DCC: variants seen among roughly 807,000 people sequenced by gnomAD.
DCC encodes netrin receptor DCC.
In DCC, 58 loss-of-function variants were observed where a neutral mutation model predicts 172.5. The ratio of observed to expected loss-of-function variants is 0.34; its 90% CI spans 0.27 to 0.42. The LOEUF (loss-of-function observed/expected upper bound fraction) is 0.42, where lower values mean the gene tolerates loss of function less well. DCC is among the 10% of genes least tolerant of loss of function. The pLI is 1.00. For missense variants in DCC, 1,740 were observed against 1,791.0 expected, an observed-to-expected ratio of 0.97 and a Z score of 0.51; for synonymous variants, 709 against 644.5, an observed-to-expected ratio of 1.10 and a Z score of -1.52.
intron 12 of DCC, among the ~76,000 whole-genome samples, chr18:53,223,248 T>C (rs1031242772): frequency 1.3e-5 from 2 of 152,178 alleles, no homozygotes; most frequent in African/African-American, 2.4e-5. Flanking sequence ...GTTTTGAGAA[T>C]GTTATATTTT....
At position 52,360,693 on chromosome 18, in the gene DCC, C is replaced by A. The variant is rs115782030; in HGVS notation, c.91+19815C>A. On this transcript the variant is annotated intron_variant, in intron 1 of 28. Coordinates refer to ENST00000442544, the MANE Select transcript of DCC (RefSeq NM_005215.4). ...CATGATTTAAAAAAATCAGAAACTA[C>A]TGTATGATTTTATGAAAAGAGCCAT... 6.2e-3 allele frequency among the ~76,000 whole-genome samples: 950 copies of A among 152,240 alleles called. 17 individuals carry two copies. Among genetic ancestry groups the A allele is most frequent in the African/African-American group, 0.021 (883 of 41,552 alleles).
At chr18:52,409,006 G>C (rs1986751749) in intron 1 of DCC, 1 of 151,970 alleles carries the variant, frequency 6.6e-6, no homozygotes, top group African/African-American at 2.4e-5. Flanking sequence ...GAATGTCTTG[G>C]GATATACCCC....
At chr18:52,503,704 G>A (rs1437046527) in intron 1 of DCC, among the ~76,000 whole-genome samples, 2 of 152,088 alleles carry the variant, frequency 1.3e-5, no homozygotes, top group African/African-American at 4.8e-5. Flanking sequence ...TAACTAGCCA[G>A]TCCATTCCTC....
intron 2 of DCC, among the ~76,000 whole-genome samples, chr18:52,828,706 T>C (rs1269966139): frequency 1.3e-5 from 2 of 152,192 alleles, no homozygotes; most frequent in African/African-American, 2.4e-5. Context: ...AATTATTTAA[T>C]GCAAATGTAG....
intron 9 of DCC, among the ~76,000 whole-genome samples, chr18:53,203,051 TAGATA>T (rs1462342974): frequency 6.6e-6 from 1 of 152,096 alleles, no homozygotes; most frequent in African/African-American, 2.4e-5. Flanking sequence ...AGATGAAGAT[TAGATA>T]AAAGTATTGT....
chr18:52,756,757 A>G (rs1423766655), intron 2 of DCC, among the ~76,000 whole-genome samples: 2 of 152,206 alleles, frequency 1.3e-5, no homozygotes, highest in Admixed American at 1.3e-4. Context: ...TCTGTTCAGC[A>G]GACATAATAA....
At chr18:52,715,200 G>A (rs7242794) in intron 1 of DCC, among the ~76,000 whole-genome samples, 145,771 of 151,602 alleles carry the variant, frequency 0.96, 70,341 homozygotes, top group East Asian at 1. Flanking sequence ...CTCAGAAAAC[G>A]TTTTTATCAT....
At chr18:52,496,875 A>T (rs1048966026) in intron 1 of DCC, among the ~76,000 whole-genome samples, 1 of 152,072 alleles carries the variant, frequency 6.6e-6, no homozygotes, top group Non-Finnish European at 1.5e-5. Flanking sequence ...TGTCCATATC[A>T]TACAGAATTT....
intron 7 of DCC, among the ~76,000 whole-genome samples, chr18:53,085,739 A>G (rs66526762): frequency 0.096 from 14,560 of 151,718 alleles, 1,116 homozygotes; most frequent in East Asian, 0.36. Context: ...TGCCATCTCC[A>G]AAACTACACT....
At chr18:53,277,551 T>C (rs925523200) in intron 12 of DCC, among the ~76,000 whole-genome samples, 2 of 152,170 alleles carry the variant, frequency 1.3e-5, no homozygotes, top group African/African-American at 2.4e-5. Flanking sequence ...CTGACAGATA[T>C]GTTAAAGAAT....
intron 15 of DCC, among the ~76,000 whole-genome samples, chr18:53,343,445 T>C (rs987656056): frequency 6.6e-6 from 1 of 151,852 alleles, no homozygotes. Flanking sequence ...TAAAATACGG[T>C]GAATTACATT....
rs561145660 is a variant in DCC, at chr18:53,036,292, T to C, written c.986-27013T>C. ...TTGAAAACTTGGACTTCTTCCAAGA[T>C]TGATCTATTAGGGCACAATTTGAGT... On this transcript the variant is annotated intron_variant, in intron 5 of 28. Coordinates refer to ENST00000442544, the MANE Select transcript of DCC (RefSeq NM_005215.4). 6.6e-5 allele frequency among the ~76,000 whole-genome samples: 10 copies of C among 152,210 alleles called. No homozygotes were observed. The South Asian group carries it at 1.7e-3, about 25-fold the overall frequency.
At chr18:52,577,642 C>T (rs2033446221) in intron 1 of DCC, among the ~76,000 whole-genome samples, 1 of 152,164 alleles carries the variant, frequency 6.6e-6, no homozygotes, top group Non-Finnish European at 1.5e-5. Context: ...CTCCCCTCCC[C>T]ACTTAGATGA....
At chr18:52,713,224 A>C (rs1238861665) in intron 1 of DCC, among the ~76,000 whole-genome samples, 1 of 152,174 alleles carries the variant, frequency 6.6e-6, no homozygotes, top group Non-Finnish European at 1.5e-5. Flanking sequence ...TGCCATTATA[A>C]ACTAGCCAAG....
At chr18:53,516,405 C>T (rs1188578792) in intron 27 of DCC, among the ~76,000 whole-genome samples, 13 of 145,844 alleles carry the variant, frequency 8.9e-5, no homozygotes, top group Admixed American at 4.0e-4. Context: ...GACTTCATGT[C>T]GAAAACACCA....
At chr18:52,711,420 T>G (rs2036290368) in intron 1 of DCC, among the ~76,000 whole-genome samples, 1 of 152,182 alleles carries the variant, frequency 6.6e-6, no homozygotes, top group Non-Finnish European at 1.5e-5. Context: ...TTCACTGCTA[T>G]ATGCTCAATG....
At position 53,187,320 on chromosome 18, in the gene DCC, C is replaced by T. The variant is rs759003641; in HGVS notation, c.1573+8204C>T. 1.2e-3 allele frequency among the ~76,000 whole-genome samples: 175 copies of T among 151,868 alleles called. 2 individuals are homozygous for T. The highest frequency in any genetic ancestry group is 2.3e-3 in the Non-Finnish European group (154 of 67,992). On this transcript the variant is annotated intron_variant, in intron 9 of 28. Transcript: ENST00000442544. Reference sequence around the variant, plus strand: ...TGTATTTTTAGTAGAGACGGGGTTTCACTATGTTGGCCAGACTGGTCTTGA... The same window carrying T: ...TGTATTTTTAGTAGAGACGGGGTTTTACTATGTTGGCCAGACTGGTCTTGA...
intron 21 of DCC, among the ~76,000 whole-genome samples, chr18:53,429,132 TA>T (rs1303718137): frequency 1.8e-4 from 21 of 114,442 alleles, no homozygotes; most frequent in Non-Finnish European, 3.5e-4. Context: ...TATATATAAA[TA>T]TATATATATC....
At chr18:53,109,968 G>T (rs747056953) in intron 7 of DCC, among the ~76,000 whole-genome samples, 1 of 151,402 alleles carries the variant, frequency 6.6e-6, no homozygotes, top group East Asian at 2.0e-4. Context: ...CTGGGAAATA[G>T]TGCATATTCA....
Sources: allele counts gnomAD v4.1 joint callset (sites outside exome capture counted in the v4.1 genomes callset), GRCh38; gene constraint gnomAD v4.1.1; transcripts MANE v1.5; gene names NCBI Gene and HGNC (gene_info 2026-07-23, HGNC 2026-07-21).